Variants in USP54 observed in about 807,000 individuals in gnomAD.
USP54 encodes the protein ubiquitin carboxyl-terminal hydrolase 54.
Under a neutral mutation model 170.5 loss-of-function variants are expected in USP54, and 87 were observed. That is an observed-to-expected ratio of 0.51 (90% CI 0.43 to 0.61). USP54 has a LOEUF of 0.61. Ranked by LOEUF, USP54 falls within the 20% of genes least tolerant of loss-of-function variation. USP54 has a pLI of 0.00. For synonymous variants in USP54, 655 were observed against 742.8 expected (o/e 0.88, Z 1.92); for missense variants, 1,786 against 2,047.8 (o/e 0.87, Z 2.47).
In USP54 at chr10:73,519,828, T is replaced by C. The variant is rs368005532; in HGVS notation, c.2647A>G (p.Thr883Ala). ...QPSQPSACLP[T>A]QAGTLSQPTS... ...GGCTGAGAGAGAGTCCCCGCCTGTGTTGGGAGGCAGGCTGAGGGCTGCGAC... is the reference window on the plus strand; with the variant it reads ...GGCTGAGAGAGAGTCCCCGCCTGTGCTGGGAGGCAGGCTGAGGGCTGCGAC... Residue 883 changes from threonine (T) to alanine (A), a missense_variant, in exon 19 of 24, where the codon ACA becomes GCA. Transcript: ENST00000687698. 6.8e-6 allele frequency: 11 copies of C among 1,613,916 alleles called. No individual in the cohort carries two copies. Among genetic ancestry groups the C allele is most frequent in the African/African-American group, 5.3e-5 (4 of 74,886 alleles).
chr10:73,548,522 C>T (rs1284371871), intron 4 of USP54, among the ~76,000 whole-genome samples: 2 of 152,030 alleles, frequency 1.3e-5, no homozygotes, highest in East Asian at 1.9e-4. Context: ...AAATGTGGCA[C>T]ATATACACCA....
intron 15 of USP54, chr10:73,529,477 T>A: frequency 1.5e-6 from 1 of 651,178 alleles, no homozygotes; most frequent in South Asian, 1.7e-5. Flanking sequence ...GATAACTGTA[T>A]TTCAAATAGA....
rs144319515 is a variant in USP54, at chr10:73,517,552, C to T, written c.2874G>A (p.Ser958=). ...PSRSALKLLT[S]VEVDNIEPSA... ...AGGGTTCAATGTTGTCTACTTCAACCGAAGTCAGAAGCTTCAAGGCAGATC... is the reference window on the plus strand; with the variant it reads ...AGGGTTCAATGTTGTCTACTTCAACTGAAGTCAGAAGCTTCAAGGCAGATC... The change falls in exon 20 of 24, where the codon TCG becomes TCA. Residue 958 remains serine, a synonymous_variant. Transcript: ENST00000687698. 26 of 1,614,004 alleles carry T rather than the reference C, an allele frequency of 1.6e-5. No individual in the cohort carries two copies. Among genetic ancestry groups the T allele is most frequent in the Admixed American group, 1.5e-4 (9 of 59,992 alleles).
intron 19 of USP54, among the ~76,000 whole-genome samples, chr10:73,517,964 CT>C (rs1429482855): frequency 6.6e-6 from 1 of 152,192 alleles, no homozygotes; most frequent in African/African-American, 2.4e-5. Context: ...CGTTAATCCT[CT>C]TTATTAAACA....
At chr10:73,589,109 T>G (rs1028373034) in intron 1 of USP54, among the ~76,000 whole-genome samples, 1 of 152,222 alleles carries the variant, frequency 6.6e-6, no homozygotes, top group Non-Finnish European at 1.5e-5. Flanking sequence ...GGTAGAAAGT[T>G]ACATTGCCTT....
At chr10:73,505,553 C>A (rs944602389) in intron 20 of USP54, 127 bp from the exon 21 acceptor site, 11 of 726,864 alleles carry the variant, frequency 1.5e-5, no homozygotes, top group South Asian at 5.7e-5. Context: ...TTGAATTCAA[C>A]GGAGGAACAT....
chr10:73,593,649 G>A (rs1037737310), upstream of USP54, among the ~76,000 whole-genome samples: 5 of 152,068 alleles, frequency 3.3e-5, no homozygotes, highest in African/African-American at 1.2e-4. Context: ...CCTTAGACCA[G>A]AATAGACAAA....
intron 4 of USP54, among the ~76,000 whole-genome samples, chr10:73,563,892 G>A (rs1396108722): frequency 6.6e-6 from 1 of 151,610 alleles, no homozygotes; most frequent in Non-Finnish European, 1.5e-5. Context: ...TTGAATTTTT[G>A]TAGTAAAATT....
chr10:73,624,365 T>C (rs1313101582), intron 1 of USP54: 1 of 131,474 alleles, frequency 7.6e-6, no homozygotes, highest in Non-Finnish European at 1.6e-5. Context: ...GCCCGGCTAA[T>C]TTTTATATTT....
intron 13 of USP54, 32 bp from the exon 14 acceptor site, chr10:73,530,555 T>C: frequency 1.3e-6 from 2 of 1,583,010 alleles, no homozygotes; most frequent in Non-Finnish European, 1.7e-6. Context: ...GAAATATAGA[T>C]GTTTAAAGTG....
At position 73,541,656 on chromosome 10, in the gene USP54, T is replaced by C; in HGVS notation, c.655A>G (p.Met219Val). The change falls in exon 8 of 24, where the codon ATG becomes GTG. Residue 219 changes from methionine (M) to valine (V), a missense_variant. Physicochemically the swap from Met to Val is conservative, Grantham distance 21. This residue lies in a region of USP54 where 361 missense variants were observed against 455.0 expected (regional missense o/e 0.79). Coordinates refer to ENST00000687698, the MANE Select transcript of USP54 (RefSeq NM_001391956.1). ...FGELLQNAST[M>V]GDLRNCPSNC... ...ACTGGACAGTTCCGCAGATCCCCCA[T>C]GGTGCTGGCATTCTGCAGCAGCTCA... 1.2e-6 allele frequency: 2 copies of C among 1,614,134 alleles called. No homozygotes were observed. Among genetic ancestry groups the C allele is most frequent in the Non-Finnish European group, 1.7e-6 (2 of 1,180,000 alleles).
At chr10:73,574,725 C>A (rs555420268) in intron 3 of USP54, among the ~76,000 whole-genome samples, 161 of 151,778 alleles carry the variant, frequency 1.1e-3, no homozygotes, top group African/African-American at 3.7e-3. Context: ...TGCAGTGAGC[C>A]GAGATCGCTC....
At chr10:73,500,120 A>G (rs970425919) in intron 23 of USP54, among the ~76,000 whole-genome samples, 1 of 152,132 alleles carries the variant, frequency 6.6e-6, no homozygotes, top group African/African-American at 2.4e-5. Flanking sequence ...AAAAGAGAAC[A>G]TCTCACTCGG....
chr10:73,536,315 A>C lies in USP54; in HGVS notation c.1098T>G (p.Ala366=). ...ATGTCCTGCTGTATGACTGGAACTC[A>C]GCTTGGGGAGGCAGGTCCTGGGTGG... ...PVSTQDLPPQ[A]EFQSYSRTCY... is the part of the protein sequence containing the mutation. The change falls in exon 11 of 24, where the codon GCT becomes GCG. Residue 366 remains alanine, a synonymous_variant. Transcript: ENST00000687698. 1.2e-6 allele frequency: 2 copies of C among 1,614,134 alleles called. No homozygotes were observed. The highest frequency in any genetic ancestry group is 1.7e-6 in the Non-Finnish European group (2 of 1,180,008).
In USP54 at chr10:73,525,567, A is replaced by AG. The variant is rs11426981; in HGVS notation, c.2194+1079dup. ...AAAAAATGCTGGCTATCTGAAGAGA[A>AG]GGGAGAATAGTCTCATGCACGATTC... On this transcript the variant is annotated intron_variant, in intron 16 of 23. Coordinates refer to ENST00000687698, the MANE Select transcript of USP54 (RefSeq NM_001391956.1). Among the ~76,000 whole-genome samples the AG allele has an allele frequency of 8.1e-3, 1,227 of 152,354 alleles. 14 individuals are homozygous for AG. Among genetic ancestry groups the AG allele is most frequent in the African/African-American group, 0.027 (1,109 of 41,588 alleles).
intron 4 of USP54, among the ~76,000 whole-genome samples, chr10:73,559,622 G>A (rs1484417735): frequency 6.6e-6 from 1 of 151,752 alleles, no homozygotes; most frequent in Admixed American, 6.6e-5. Flanking sequence ...CAGTTACTCT[G>A]GAGGTGGAGG....
chr10:73,507,471 G>C (rs559533852), intron 20 of USP54, among the ~76,000 whole-genome samples: 208 of 151,658 alleles, frequency 1.4e-3, no homozygotes, highest in African/African-American at 4.3e-3. Context: ...TCAGGAGTTC[G>C]AGACCAGCCT....
In USP54 at chr10:73,500,726, A is replaced by T. The variant is rs2057936537; in HGVS notation, c.4424T>A (p.Leu1475His). The T allele has an allele frequency of 3.7e-6, 6 of 1,606,510 alleles. No individual in the cohort carries two copies. The highest frequency in any genetic ancestry group is 4.2e-6 in the Non-Finnish European group (5 of 1,176,534). Residue 1475 changes from leucine to histidine, a missense_variant, in exon 23 of 24, where the codon CTT (leucine) becomes CAT (histidine). Around this residue, in one of 3 missense-constraint regions of USP54, gnomAD observed 1,418 missense variants for 1,569.0 expected, o/e 0.90. Coordinates refer to ENST00000687698, the MANE Select transcript of USP54 (RefSeq NM_001391956.1). ...SVFLLGPQLY[L>H]PQPQFLSPDV... ...TGGGGACAGGAACTGTGGTTGGGGAAGGTAGAGTTGGGGACCGAGGAGAAA... is the reference window on the plus strand; with the variant it reads ...TGGGGACAGGAACTGTGGTTGGGGATGGTAGAGTTGGGGACCGAGGAGAAA...
In USP54 at chr10:73,534,395, A is replaced by G. The variant is rs181671905; in HGVS notation, c.1315+205T>C. 5.9e-5 allele frequency among the ~76,000 whole-genome samples: 9 copies of G among 152,070 alleles called. No homozygotes were observed. The East Asian group carries it at 1.5e-3, about 26-fold the overall frequency. ...CTAATTTTTTTTTTGTATTTTTAGT[A>G]GAGACGGAGTTTCACCGTGTGTTAG... On this transcript the variant is annotated intron_variant, in intron 12 of 23. Coordinates refer to ENST00000687698, the MANE Select transcript of USP54 (RefSeq NM_001391956.1).
Sources: allele counts gnomAD v4.1 joint callset (sites outside exome capture counted in the v4.1 genomes callset), GRCh38; gene constraint gnomAD v4.1.1; regional missense constraint gnomAD v4.1.1; transcripts MANE v1.5; gene names NCBI Gene and HGNC (gene_info 2026-07-23, HGNC 2026-07-21).